FER1L6: variants seen among roughly 807,000 people sequenced by gnomAD.
FER1L6 encodes fer-1-like protein 6.
A neutral mutation model predicts 219.2 loss-of-function variants in FER1L6; 177 were observed. That is an observed-to-expected ratio of 0.81 (90% CI 0.71 to 0.91). FER1L6 has a LOEUF of 0.91. Among genes scored for constraint, FER1L6 ranks in the 40% least tolerant of loss-of-function variants. The probability of loss-of-function intolerance (pLI) is 0.00; values close to 1 mark genes in which losing one functional copy is unlikely to be tolerated. For missense variants in FER1L6, 2,153 were observed against 2,259.9 expected, an observed-to-expected ratio of 0.95 and a Z score of 0.96; for synonymous variants, 768 against 824.3, an observed-to-expected ratio of 0.93 and a Z score of 1.17.
rs1375702331 is a variant in FER1L6, at chr8:124,029,385, CA to C, written c.2286+5790del. Among the ~76,000 whole-genome samples, 4 of 152,198 alleles carry C rather than the reference CA, an allele frequency of 2.6e-5. No individual in the cohort carries two copies. The East Asian group carries it at 7.7e-4, about 29-fold the overall frequency. ...CTTCCACAGTGGTTGAACTAATTTACACTTCCACCAACAGTGTTCCTATTTC... is the reference window on the plus strand; with the variant it reads ...CTTCCACAGTGGTTGAACTAATTTACCTTCCACCAACAGTGTTCCTATTTC... On this transcript the variant is annotated intron_variant, in intron 18 of 40. Transcript: ENST00000522917.
intron 18 of FER1L6, among the ~76,000 whole-genome samples, chr8:124,026,207 A>C (rs1818700419): frequency 6.6e-6 from 1 of 152,180 alleles, no homozygotes; most frequent in Admixed American, 6.5e-5. Flanking sequence ...AGTGAGTAGA[A>C]ATGAATGAAT....
intron 32 of FER1L6, among the ~76,000 whole-genome samples, chr8:124,081,591 A>C (rs1337786290): frequency 6.9e-6 from 1 of 144,930 alleles, no homozygotes; most frequent in East Asian, 2.0e-4. Flanking sequence ...TGCAGGCTCC[A>C]GCAATGCAGA....
At chr8:123,938,149 C>T (rs1814079035) in intron 1 of FER1L6, among the ~76,000 whole-genome samples, 1 of 152,180 alleles carries the variant, frequency 6.6e-6, no homozygotes, top group Admixed American at 6.5e-5. Flanking sequence ...AGAAGGAAAA[C>T]CTGAGGAGGC....
At chr8:124,036,341 T>C (rs1467814954) in intron 19 of FER1L6, 1 of 152,202 alleles carries the variant, frequency 6.6e-6, no homozygotes, top group Non-Finnish European at 1.5e-5. Context: ...CAGCTCATGG[T>C]TTCTGTACCC....
At chr8:123,950,181 T>C (rs929800135) in intron 1 of FER1L6, among the ~76,000 whole-genome samples, 4 of 152,224 alleles carry the variant, frequency 2.6e-5, no homozygotes, top group African/African-American at 9.6e-5. Context: ...CATTGTTGAC[T>C]TGACTTGCCA....
At chr8:123,990,871 A>T (rs1053723325) in intron 12 of FER1L6, among the ~76,000 whole-genome samples, 13 of 152,086 alleles carry the variant, frequency 8.5e-5, no homozygotes, top group African/African-American at 3.1e-4. Context: ...TAAGTCCTTG[A>T]TCCATCTTGA....
chr8:123,964,913 C>T (rs1815466898), intron 3 of FER1L6, among the ~76,000 whole-genome samples: 2 of 152,146 alleles, frequency 1.3e-5, no homozygotes, highest in South Asian at 4.2e-4. Flanking sequence ...ATACTTCTGT[C>T]TTCTCTCCCA....
At chr8:124,057,402 T>C (rs1005520280) in intron 22 of FER1L6, among the ~76,000 whole-genome samples, 1 of 152,204 alleles carries the variant, frequency 6.6e-6, no homozygotes, top group African/African-American at 2.4e-5. Flanking sequence ...TATTTTTCTT[T>C]ATTTTTGGTT....
At position 124,076,392 on chromosome 8, in the gene FER1L6, G is replaced by A. The variant is rs1354545770; in HGVS notation, c.4220+67G>A. The A allele has an allele frequency of 4.0e-6, 6 of 1,492,432 alleles. No homozygotes were observed. The South Asian group carries it at 4.6e-5, about 11-fold the overall frequency. The allele number at this position is 1,492,432 out of a possible 1,614,324, so 92.4% of individuals were successfully genotyped here. On this transcript the variant is annotated intron_variant, in intron 32 of 40. Transcript: ENST00000522917. ...TTTGCTCCTGCTGTGTTTCTGTGGG[G>A]ATAGTGCGTGTATGTTTGTGTTCCT...
rs1340145911 is a variant in FER1L6 at position 123,980,584 on chromosome 8, G to C, written c.1183G>C (p.Gly395Arg). 1 of 1,614,112 alleles carries C rather than the reference G, an allele frequency of 6.2e-7. No individual in the cohort carries two copies. ...EGFGEGVSFR[G>R]RILVEIAVEI... ...CTTTGGGGAAGGTGTGTCATTCAGGGGCAGAATCTTGGTAGAAATTGCTGT... is the reference window on the plus strand; with the variant it reads ...CTTTGGGGAAGGTGTGTCATTCAGGCGCAGAATCTTGGTAGAAATTGCTGT... Residue 395 changes from glycine (G) to arginine (R), a missense_variant, in exon 11 of 41, where the codon GGC becomes CGC. Gly to Arg is a moderately radical substitution (Grantham distance 125, BLOSUM62 -2). Transcript: ENST00000522917.
chr8:123,980,972 C>G (rs538054635), intron 11 of FER1L6, among the ~76,000 whole-genome samples, 161 bp downstream of exon 11: 2 of 152,188 alleles, frequency 1.3e-5, no homozygotes, highest in Admixed American at 1.3e-4. Flanking sequence ...TCCTCTGCCC[C>G]CTCTTGCACA....
At chr8:124,091,309 C>A (rs1418788217) in intron 33 of FER1L6, 114 bp from the exon 34 acceptor site, 2 of 756,924 alleles carry the variant, frequency 2.6e-6, no homozygotes, top group Non-Finnish European at 2.0e-6. Flanking sequence ...GAAAACAAAC[C>A]CCCTAACCCC....
At chr8:123,970,769 A>C (rs944243710) in intron 6 of FER1L6, among the ~76,000 whole-genome samples, 1 of 152,108 alleles carries the variant, frequency 6.6e-6, no homozygotes, top group African/African-American at 2.4e-5. Flanking sequence ...TGCCCACTAC[A>C]TGGAGGACAG....
At chr8:123,862,676 A>G (rs367811011) in intron 1 of FER1L6, among the ~76,000 whole-genome samples, 153 of 136,096 alleles carry the variant, frequency 1.1e-3, no homozygotes, top group South Asian at 1.6e-3. Context: ...TGGTCTATTC[A>G]GAGATTCAAC....
intron 1 of FER1L6, among the ~76,000 whole-genome samples, chr8:123,867,110 C>T (rs564135237): frequency 2.0e-5 from 3 of 152,208 alleles, no homozygotes; most frequent in South Asian, 2.1e-4. Context: ...TGCCTGTGCT[C>T]TTGGGGTCCT....
chr8:123,933,899 C>CT (rs574234005), intron 1 of FER1L6, among the ~76,000 whole-genome samples: 80 of 152,240 alleles, frequency 5.3e-4, no homozygotes, highest in Middle Eastern at 6.8e-3. Flanking sequence ...TAATAAACAC[C>CT]TGTAGGCATT....
intron 12 of FER1L6, among the ~76,000 whole-genome samples, chr8:123,999,730 A>G (rs187594341): frequency 6.6e-6 from 1 of 152,310 alleles, no homozygotes; most frequent in East Asian, 1.9e-4. Context: ...TGAAATGTGG[A>G]TCTTACAACT....
intron 1 of FER1L6, among the ~76,000 whole-genome samples, chr8:123,944,384 G>C (rs1267997823): frequency 6.6e-6 from 1 of 151,108 alleles, no homozygotes; most frequent in African/African-American, 2.4e-5. Context: ...TCCCAGTGTG[G>C]TGTAGAAGGA....
intron 1 of FER1L6, among the ~76,000 whole-genome samples, chr8:123,954,558 C>T (rs1279123327): frequency 6.6e-6 from 1 of 152,176 alleles, no homozygotes; most frequent in East Asian, 1.9e-4. Context: ...ACCCTTAGGA[C>T]AATAAGAATA....
Sources: allele counts gnomAD v4.1 joint callset (sites outside exome capture counted in the v4.1 genomes callset), GRCh38; gene constraint gnomAD v4.1.1; transcripts MANE v1.5; gene names NCBI Gene and HGNC (gene_info 2026-07-23, HGNC 2026-07-21).